The following GAS7 variants were observed in gnomAD, a reference collection of about 807,000 sequenced individuals.
GAS7 encodes growth arrest specific 7.
Under a neutral mutation model 71.1 loss-of-function variants are expected in GAS7, and 28 were observed. The observed-to-expected ratio is 0.39, with a 90% CI of 0.29 to 0.54. The LOEUF (loss-of-function observed/expected upper bound fraction) is 0.54, where lower values mean the gene tolerates loss of function less well. Ranked by LOEUF, GAS7 falls within the 20% of genes least tolerant of loss-of-function variation. The pLI is 0.62. For missense variants in GAS7, 436 were observed against 627.8 expected, an observed-to-expected ratio of 0.69 and a Z score of 3.27; for synonymous variants, 258 against 245.8, an observed-to-expected ratio of 1.05 and a Z score of -0.46.
chr17:9,923,712 G>A (rs987045330), intron 11 of GAS7, among the ~76,000 whole-genome samples: 4 of 152,208 alleles, frequency 2.6e-5, no homozygotes, highest in African/African-American at 7.2e-5. Context: ...TGCTCTCTCT[G>A]GAAAGCAATT....
chr17:9,979,013 C>A (rs1190428987), intron 3 of GAS7, among the ~76,000 whole-genome samples: 1 of 152,188 alleles, frequency 6.6e-6, no homozygotes, highest in Non-Finnish European at 1.5e-5. Context: ...CCCCTCCCCC[C>A]GGTGCTGGCA....
At chr17:10,012,830 C>T (rs370453585) in intron 2 of GAS7, among the ~76,000 whole-genome samples, 1 of 151,878 alleles carries the variant, frequency 6.6e-6, no homozygotes, top group Non-Finnish European at 1.5e-5. Context: ...AGGCAGGGCG[C>T]GGTGGCTCAC....
intron 2 of GAS7, among the ~76,000 whole-genome samples, chr17:10,003,919 C>T (rs1346617435): frequency 6.6e-6 from 1 of 152,128 alleles, no homozygotes; most frequent in Non-Finnish European, 1.5e-5. Context: ...AATGAAGTAA[C>T]AAAAAAGCTA....
At chr17:9,976,883 C>A (rs1339700549) in intron 3 of GAS7, among the ~76,000 whole-genome samples, 1 of 152,216 alleles carries the variant, frequency 6.6e-6, no homozygotes, top group Non-Finnish European at 1.5e-5. Context: ...TCACTTTCCA[C>A]ATTTGCACTG....
rs1428407395 is a variant in GAS7 at position 10,034,057 on chromosome 17, A to C, written c.184-14160T>G. The C allele has an allele frequency of 1.1e-6, 1 of 930,660 alleles. No individual in the cohort carries two copies. Among genetic ancestry groups the C allele is most frequent in the African/African-American group, 1.8e-5 (1 of 56,182 alleles). The allele number at this position is 930,660 out of a possible 1,614,324, so 57.7% of individuals were successfully genotyped here. ...TGGAGCTGCTGCCGCTGGCACATAT[A>C]AAGTAGGCAAATGGTGACAGCCAAG... On this transcript the variant is annotated intron_variant, in intron 1 of 13. Coordinates refer to ENST00000432992, the MANE Select transcript of GAS7 (RefSeq NM_201433.2). This position sits in a 1 kb window ranked among gnomAD's most constrained non-coding sequence, Gnocchi z 4.4.
intron 1 of GAS7, among the ~76,000 whole-genome samples, chr17:10,115,432 G>A (rs1223645114): frequency 6.6e-6 from 1 of 152,208 alleles, no homozygotes; most frequent in Non-Finnish European, 1.5e-5. Context: ...CCCAACTCAG[G>A]AAGTGTTGCA....
At chr17:9,977,008 G>A (rs946995115) in intron 3 of GAS7, among the ~76,000 whole-genome samples, 1 of 152,120 alleles carries the variant, frequency 6.6e-6, no homozygotes, top group African/African-American at 2.4e-5. Flanking sequence ...GACATGAATG[G>A]AAAAACTCAT....
In GAS7 at chr17:10,026,573, A is replaced by G. The variant is rs1479152994; in HGVS notation, c.184-6676T>C. ...CACGCCTGGGAAGGTTGAGTCCCGG[A>G]GTAGTCCTGGACTCAGCAGCCAGGA... On this transcript the variant is annotated intron_variant, in intron 1 of 13. Coordinates refer to ENST00000432992, the MANE Select transcript of GAS7 (RefSeq NM_201433.2). The surrounding 1 kb of genome is among the most constrained non-coding windows in gnomAD (Gnocchi z 4.5). Among the ~76,000 whole-genome samples the G allele has an allele frequency of 1.3e-5, 2 of 152,192 alleles. No homozygotes were observed. The highest frequency in any genetic ancestry group is 4.8e-5 in the African/African-American group (2 of 41,460).
chr17:10,035,407 G>A (rs1394315153), intron 1 of GAS7, among the ~76,000 whole-genome samples: 1 of 152,104 alleles, frequency 6.6e-6, no homozygotes, highest in Non-Finnish European at 1.5e-5. Flanking sequence ...AAAGGTTCCC[G>A]GGTAGTTCAG....
In GAS7 at chr17:10,194,134, T is replaced by A. The variant is rs778763614; in HGVS notation, c.183+4074A>T. 1.4e-4 allele frequency among the ~76,000 whole-genome samples: 21 copies of A among 152,302 alleles called. No homozygotes were observed. In the Middle Eastern group the frequency reaches 0.01, roughly 74 times the overall value. On this transcript the variant is annotated intron_variant, in intron 1 of 13. Coordinates refer to ENST00000432992, the MANE Select transcript of GAS7 (RefSeq NM_201433.2). ...AGCAAACAGTGTCATATTCTGTTAG[T>A]AACCCAGAAAGAAAGGAAAAGGCTC...
chr17:10,036,822 C>T, intron 1 of GAS7: 1 of 806,700 alleles, frequency 1.2e-6, no homozygotes, highest in Non-Finnish European at 1.6e-6. Flanking sequence ...GAGGTCACAA[C>T]AAACAATGGC....
chr17:10,054,563 T>C (rs1436073887), intron 1 of GAS7, among the ~76,000 whole-genome samples: 3 of 152,206 alleles, frequency 2.0e-5, no homozygotes, highest in Non-Finnish European at 2.9e-5. Flanking sequence ...TGATTCTGTA[T>C]TTGATTTTGC....
chr17:10,058,712 C>G (rs2073181577), intron 1 of GAS7, among the ~76,000 whole-genome samples: 1 of 152,218 alleles, frequency 6.6e-6, no homozygotes, highest in African/African-American at 2.4e-5. Context: ...CTCTCAGACA[C>G]ATCACACCCC....
intron 1 of GAS7, among the ~76,000 whole-genome samples, chr17:10,028,180 G>A (rs2072518250): frequency 6.6e-6 from 1 of 152,178 alleles, no homozygotes; most frequent in Non-Finnish European, 1.5e-5. Flanking sequence ...TGGGATTACA[G>A]GCGTGAGCCA....
intron 9 of GAS7, among the ~76,000 whole-genome samples, chr17:9,929,686 C>T (rs1437140982): frequency 6.6e-6 from 1 of 151,990 alleles, no homozygotes; most frequent in African/African-American, 2.4e-5. Context: ...ACCATGTTAG[C>T]CAGGATGGTC....
intron 1 of GAS7, among the ~76,000 whole-genome samples, chr17:10,174,306 G>A (rs2074355625): frequency 6.6e-6 from 1 of 152,188 alleles, no homozygotes; most frequent in Non-Finnish European, 1.5e-5. Flanking sequence ...AGATTAGAGG[G>A]ATATAGGGGA....
At chr17:9,948,524 A>G (rs955494054) in intron 5 of GAS7, among the ~76,000 whole-genome samples, 1 of 152,154 alleles carries the variant, frequency 6.6e-6, no homozygotes, top group Non-Finnish European at 1.5e-5. Context: ...CTCTACTAAA[A>G]ACACAAAAAT....
chr17:10,158,696 T>C (rs1309439135), intron 1 of GAS7, among the ~76,000 whole-genome samples: 1 of 151,956 alleles, frequency 6.6e-6, no homozygotes, highest in Non-Finnish European at 1.5e-5. Context: ...GGTATATAAG[T>C]GTGCACTGTA....
At chr17:9,960,606 AC>A (rs1213861171) in intron 4 of GAS7, among the ~76,000 whole-genome samples, 1 of 151,914 alleles carries the variant, frequency 6.6e-6, no homozygotes, top group Non-Finnish European at 1.5e-5. Flanking sequence ...AGTGGGGGGC[AC>A]CCCGCCCCTC....
Sources: allele counts gnomAD v4.1 joint callset (sites outside exome capture counted in the v4.1 genomes callset), GRCh38; gene constraint gnomAD v4.1.1; non-coding constraint Gnocchi (gnomAD v3.1); transcripts MANE v1.5; gene names NCBI Gene and HGNC (gene_info 2026-07-23, HGNC 2026-07-21).